Variants in SGK3 observed in about 807,000 individuals in gnomAD.
SGK3 encodes the protein serine/threonine-protein kinase Sgk3.
In SGK3, 47 loss-of-function variants were observed where a neutral mutation model predicts 68.5. The ratio of observed to expected loss-of-function variants is 0.69; its 90% CI spans 0.54 to 0.87. SGK3 has a LOEUF of 0.87. Ranked by LOEUF, SGK3 falls within the 40% of genes least tolerant of loss-of-function variation. SGK3 has a pLI of 0.00. For synonymous variants in SGK3, 181 were observed against 189.1 expected, an observed-to-expected ratio of 0.96 and a Z score of 0.35; for missense variants, 479 against 575.5, an observed-to-expected ratio of 0.83 and a Z score of 1.72.
intron 10 of SGK3, among the ~76,000 whole-genome samples, chr8:66,838,179 C>T (rs1034906194): frequency 2.0e-5 from 3 of 152,108 alleles, no homozygotes; most frequent in Non-Finnish European, 4.4e-5. Context: ...GATTCTCCTG[C>T]CTCAACCTCC....
chr8:66,835,586 A>G (rs1281176758), intron 8 of SGK3, among the ~76,000 whole-genome samples, 177 bp from the exon 9 acceptor site: 1 of 152,208 alleles, frequency 6.6e-6, no homozygotes, highest in Non-Finnish European at 1.5e-5. Flanking sequence ...ATATCAACAC[A>G]TTAAGTGACA....
chr8:66,840,756 G>T, intron 12 of SGK3: 1 of 238,900 alleles, frequency 4.2e-6, no homozygotes, highest in Non-Finnish European at 8.0e-6. Flanking sequence ...TGGCACGCCT[G>T]GGCAACATGG....
rs1326987346 is a variant in SGK3 at position 66,779,597 on chromosome 8, TATATAA to T, written c.-121-14017_-121-14012del. 4.0e-4 allele frequency among the ~76,000 whole-genome samples: 47 copies of T among 117,342 alleles called. No homozygotes were observed. In the East Asian group the frequency reaches 4.9e-3, roughly 12 times the overall value. The allele number at this position is 117,342 out of a possible 152,430, so 77.0% of individuals were successfully genotyped here. A position where few individuals can be genotyped will look rare whatever the true frequency, so the allele number is the denominator to read the frequency against. On this transcript the variant is annotated intron_variant, in intron 1 of 16. Transcript: ENST00000521198. ...ATATATATATATATATATATATATA[TATATAA>T]AACACATTTTTTATATATATACGTT...
intron 9 of SGK3, 24 bp from the exon 10 acceptor site, chr8:66,835,919 A>G: frequency 1.9e-6 from 3 of 1,612,352 alleles, no homozygotes; most frequent in East Asian, 4.5e-5. Context: ...GTATAATACA[A>G]TTGATCTTTT....
intron 1 of SGK3, among the ~76,000 whole-genome samples, chr8:66,730,600 C>A (rs1034745598): frequency 2.0e-5 from 3 of 152,094 alleles, no homozygotes; most frequent in Non-Finnish European, 4.4e-5. Flanking sequence ...GATCTGTGAT[C>A]TGTTTTGAGT....
At chr8:66,846,042 A>G (rs1809998355) in intron 14 of SGK3, among the ~76,000 whole-genome samples, 1 of 152,172 alleles carries the variant, frequency 6.6e-6, no homozygotes, top group Non-Finnish European at 1.5e-5. Context: ...CAAACCCACA[A>G]GGGTAAAATA....
At chr8:66,720,625 C>T (rs1254944731) in intron 1 of SGK3, among the ~76,000 whole-genome samples, 1 of 147,954 alleles carries the variant, frequency 6.8e-6, no homozygotes, top group Non-Finnish European at 1.5e-5. Context: ...TAAAAATTAG[C>T]TGGACATAGT....
intron 1 of SGK3, among the ~76,000 whole-genome samples, chr8:66,729,862 G>A (rs773395712): frequency 4.0e-5 from 6 of 151,716 alleles, no homozygotes; most frequent in East Asian, 1.9e-4. Flanking sequence ...CTTCTGCCTC[G>A]GCCTTCTGAG....
At chr8:66,817,736 C>A (rs1808652111) in intron 5 of SGK3, among the ~76,000 whole-genome samples, 1 of 152,156 alleles carries the variant, frequency 6.6e-6, no homozygotes, top group Non-Finnish European at 1.5e-5. Context: ...GTATTTCTCT[C>A]ATCTCTGGAT....
chr8:66,824,822 A>C (rs549797145), intron 6 of SGK3, among the ~76,000 whole-genome samples: 13 of 152,348 alleles, frequency 8.5e-5, no homozygotes, highest in Non-Finnish European at 1.6e-4. Context: ...GCATATTCAC[A>C]CAGTATGATT....
At chr8:66,791,220 G>A (rs1353657665) in intron 1 of SGK3, among the ~76,000 whole-genome samples, 2 of 152,166 alleles carry the variant, frequency 1.3e-5, no homozygotes, top group African/African-American at 2.4e-5. Flanking sequence ...ATACCTTAGC[G>A]CCTTGCTCCT....
At position 66,835,936 on chromosome 8, in the gene SGK3, T is replaced by C. The variant is rs776777839; in HGVS notation, c.610-7T>C. On this transcript the variant is annotated splice_region_variant and splice_polypyrimidine_tract_variant and intron_variant, in intron 9 of 16. Transcript: ENST00000521198. ...ATAATACAATTGATCTTTTGCCTTT[T>C]TTCCAGCAAAAACATATTATGGCTG... 1 of 1,612,742 alleles carries C rather than the reference T, an allele frequency of 6.2e-7. No individual in the cohort carries two copies. The highest frequency in any genetic ancestry group is 8.5e-7 in the Non-Finnish European group (1 of 1,179,558).
intron 6 of SGK3, among the ~76,000 whole-genome samples, chr8:66,825,793 A>T: frequency 6.6e-6 from 1 of 152,300 alleles, no homozygotes; most frequent in Non-Finnish European, 1.5e-5. Context: ...TAGTGACTAG[A>T]TGTTGTCTTC....
chr8:66,856,803 A>C (rs1810529575), intron 16 of SGK3, among the ~76,000 whole-genome samples: 1 of 152,184 alleles, frequency 6.6e-6, no homozygotes, highest in Non-Finnish European at 1.5e-5. Context: ...GCTCATAGAG[A>C]TAGAGTAGTT....
At chr8:66,810,021 C>G (rs1808316563) in intron 4 of SGK3, among the ~76,000 whole-genome samples, 1 of 152,138 alleles carries the variant, frequency 6.6e-6, no homozygotes. Flanking sequence ...AGCCACATGC[C>G]ATTACATCCA....
At chr8:66,806,933 TG>T (rs1358192260) in intron 4 of SGK3, among the ~76,000 whole-genome samples, 1 of 152,122 alleles carries the variant, frequency 6.6e-6, no homozygotes, top group African/African-American at 2.4e-5. Flanking sequence ...GAGCACAGGT[TG>T]AAAAGCATCT....
At chr8:66,731,248 A>G (rs559700769) in intron 1 of SGK3, among the ~76,000 whole-genome samples, 1 of 152,276 alleles carries the variant, frequency 6.6e-6, no homozygotes, top group South Asian at 2.1e-4. Flanking sequence ...AAGAATATGT[A>G]TTCTGCTGCT....
At chr8:66,806,143 A>T (rs770754652) in intron 4 of SGK3, among the ~76,000 whole-genome samples, 6 of 151,940 alleles carry the variant, frequency 3.9e-5, no homozygotes, top group Admixed American at 6.6e-5. Flanking sequence ...GGTTTGGAGA[A>T]TGTTCTTACT....
At chr8:66,809,938 C>T (rs1808312577) in intron 4 of SGK3, among the ~76,000 whole-genome samples, 1 of 152,168 alleles carries the variant, frequency 6.6e-6, no homozygotes, top group African/African-American at 2.4e-5. Flanking sequence ...AGGCAGCTGG[C>T]TTCCCCAGAG....
Sources: allele counts gnomAD v4.1 joint callset (sites outside exome capture counted in the v4.1 genomes callset), GRCh38; gene constraint gnomAD v4.1.1; transcripts MANE v1.5; gene names NCBI Gene and HGNC (gene_info 2026-07-23, HGNC 2026-07-21).